The following CSTF3 variants were observed in gnomAD, a reference collection of about 807,000 sequenced individuals.
CSTF3 encodes CF-1 77 kDa subunit.
In CSTF3, 29 loss-of-function variants were observed where a neutral mutation model predicts 105.8. The ratio of observed to expected loss-of-function variants is 0.27; its 90% CI spans 0.20 to 0.37. CSTF3 has a LOEUF of 0.37. Ranked by LOEUF, CSTF3 falls within the 10% of genes least tolerant of loss-of-function variation. CSTF3 has a pLI of 1.00. For synonymous variants in CSTF3, 252 were observed against 281.9 expected (o/e 0.89, Z 1.06); for missense variants, 357 against 879.3 (o/e 0.41, Z 7.51).
chr11:33,118,884 T>C (rs1039777442), intron 3 of CSTF3, among the ~76,000 whole-genome samples: 1 of 151,840 alleles, frequency 6.6e-6, no homozygotes, highest in Non-Finnish European at 1.5e-5. Context: ...TCTACCTTAA[T>C]TTGCAGCTTT....
At position 33,142,550 on chromosome 11, in the gene CSTF3, C is replaced by T. The variant is rs1044675586; in HGVS notation, c.28-564G>A. On this transcript the variant is annotated intron_variant, in intron 1 of 20. Transcript: ENST00000323959. ...ATCAAGTATTTTTTATTCAAATAAA[C>T]TTACTTTTGTATTAAATACTATAAA... 4.6e-5 allele frequency among the ~76,000 whole-genome samples: 7 copies of T among 152,104 alleles called. No individual in the cohort carries two copies. The Middle Eastern group carries it at 0.014, about 296-fold the overall frequency.
chr11:33,144,525 A>G (rs970832700), intron 1 of CSTF3, among the ~76,000 whole-genome samples: 4 of 152,220 alleles, frequency 2.6e-5, no homozygotes, highest in Non-Finnish European at 1.5e-5. Context: ...TTTTCAATAA[A>G]TGGTTTCAGA....
chr11:33,093,244 A>G (rs1030189233), intron 15 of CSTF3, among the ~76,000 whole-genome samples: 7 of 152,338 alleles, frequency 4.6e-5, no homozygotes, highest in African/African-American at 1.2e-4. Context: ...TCTCTCTTCA[A>G]TTTAACATAT....
At chr11:33,092,207 G>T in intron 16 of CSTF3, 64 bp downstream of exon 16, 1 of 1,153,472 alleles carries the variant, frequency 8.7e-7, no homozygotes, top group South Asian at 1.5e-5. Context: ...TCACCCCATA[G>T]ACCACAATTC....
In CSTF3 at chr11:33,084,956, G is replaced by GTGAT. The variant is rs1284851973; in HGVS notation, c.*127_*130dup. On this transcript the variant is annotated 3_prime_UTR_variant, in exon 21 of 21. Transcript: ENST00000323959. ...TGGTTTGTTTTTTCTCAAGAACCAT[G>GTGAT]TGATAGAGGCACCAATGACAATACA... 10 of 955,204 alleles carry GTGAT rather than the reference G, an allele frequency of 1.0e-5. No individual in the cohort carries two copies. Among genetic ancestry groups the GTGAT allele is most frequent in the Admixed American group, 6.2e-5 (3 of 48,122 alleles). The allele number at this position is 955,204 out of a possible 1,614,324, so 59.2% of individuals were successfully genotyped here. A position where few individuals can be genotyped will look rare whatever the true frequency, so the allele number is the denominator to read the frequency against.
chr11:33,107,951 C>T lies in CSTF3; in HGVS notation c.308G>A (p.Cys103Tyr). 6.2e-7 allele frequency: 1 copy of T among 1,611,508 alleles called. No individual in the cohort carries two copies. The change falls in exon 5 of 21, where the codon TGT (cysteine) becomes TAT (tyrosine). Residue 103 changes from cysteine to tyrosine, a missense_variant. Coordinates refer to ENST00000323959, the MANE Select transcript of CSTF3 (RefSeq NM_001326.3). The part of the protein sequence containing the change: ...MKVLHIDLWK[C>Y]YLSYVRETKG... ...GGTTTCTCGGACATATGAAAGATAA[C>T]ACTTCCATAAATCAATGTGCAAAAC...
chr11:33,088,514 A>G (rs1461018548), intron 17 of CSTF3, among the ~76,000 whole-genome samples: 4 of 152,112 alleles, frequency 2.6e-5, no homozygotes, highest in Non-Finnish European at 5.9e-5. Flanking sequence ...TCCTGACCTC[A>G]GGTGATCCAC....
intron 2 of CSTF3, 27 bp downstream of exon 2, chr11:33,141,858 A>T: frequency 6.3e-7 from 1 of 1,575,520 alleles, no homozygotes; most frequent in Non-Finnish European, 8.6e-7. Context: ...CCCATAGAGA[A>T]GGAAATGTAA....
chr11:33,103,642 C>T (rs1032880401), intron 8 of CSTF3, among the ~76,000 whole-genome samples: 1 of 151,978 alleles, frequency 6.6e-6, no homozygotes, highest in African/African-American at 2.4e-5. Flanking sequence ...TGGTGGTGTG[C>T]GCCTGTAATC....
At position 33,089,493 on chromosome 11, in the gene CSTF3, CAAT is replaced by C. The variant is rs376581546; in HGVS notation, c.1641+1036_1641+1038del. Among the ~76,000 whole-genome samples the C allele has an allele frequency of 8.9e-3, 1,361 of 152,276 alleles. 17 individuals are homozygous for C. The highest frequency in any genetic ancestry group is 0.03 in the African/African-American group (1,261 of 41,564). ...AAAGTCAAAGTTTCTAAGAACCTAT[CAAT>C]GATGTTAAATGAGGATTTACTGTAG... On this transcript the variant is annotated intron_variant, in intron 17 of 20. Transcript: ENST00000323959.
intron 1 of CSTF3, among the ~76,000 whole-genome samples, chr11:33,153,266 G>A (rs1159550333): frequency 5.9e-5 from 9 of 152,208 alleles, no homozygotes; most frequent in East Asian, 3.9e-4. Flanking sequence ...TCACAGTTAC[G>A]TAGTTGGAAA....
chr11:33,145,978 T>C lies in CSTF3; in HGVS notation c.28-3992A>G, dbSNP rs1046893853. Reference sequence around the variant, plus strand: ...GTGGCCAGGGGCGATGGCTCAGGCCTGTAATCCCAGCACTTTGGGAGGCTG... The same window carrying C: ...GTGGCCAGGGGCGATGGCTCAGGCCCGTAATCCCAGCACTTTGGGAGGCTG... On this transcript the variant is annotated intron_variant, in intron 1 of 20. Transcript: ENST00000323959. Among the ~76,000 whole-genome samples, 5 of 151,826 alleles carry C rather than the reference T, an allele frequency of 3.3e-5. 1 individual carries two copies. The highest frequency in any genetic ancestry group is 9.7e-5 in the African/African-American group (4 of 41,338).
intron 18 of CSTF3, among the ~76,000 whole-genome samples, chr11:33,086,625 A>G (rs1449709201): frequency 6.6e-6 from 1 of 152,116 alleles, no homozygotes; most frequent in Non-Finnish European, 1.5e-5. Flanking sequence ...TTTAATAAAG[A>G]CAAAGTTTCA....
intron 17 of CSTF3, among the ~76,000 whole-genome samples, chr11:33,090,025 A>G (rs971222362): frequency 2.0e-5 from 3 of 152,180 alleles, no homozygotes; most frequent in Non-Finnish European, 4.4e-5. Context: ...AATTCCCCCA[A>G]AGGCCACTGA....
At chr11:33,144,723 T>G (rs923627125) in intron 1 of CSTF3, 2 of 152,676 alleles carry the variant, frequency 1.3e-5, no homozygotes, top group East Asian at 3.8e-4. Flanking sequence ...GAAAAGCTCT[T>G]CAGAAGCCTT....
At chr11:33,102,084 A>C in intron 10 of CSTF3, 93 bp downstream of exon 10, 1 of 887,282 alleles carries the variant, frequency 1.1e-6, no homozygotes, top group Non-Finnish European at 1.7e-6. Context: ...AAAGAAAAAA[A>C]GATTAGGGGT....
At chr11:33,160,586 G>C (rs556570348) in intron 1 of CSTF3, among the ~76,000 whole-genome samples, 1 of 152,238 alleles carries the variant, frequency 6.6e-6, no homozygotes, top group Admixed American at 6.5e-5. Context: ...AATACAAAGA[G>C]CAAAAGAAAC....
chr11:33,113,798 A>G (rs956853360), intron 3 of CSTF3, among the ~76,000 whole-genome samples: 1 of 151,914 alleles, frequency 6.6e-6, no homozygotes. Flanking sequence ...GCTCATGCCT[A>G]TAATCCCAGC....
chr11:33,086,951 C>T (rs768536528), intron 18 of CSTF3, 37 bp downstream of exon 18: 1 of 1,613,318 alleles, frequency 6.2e-7, no homozygotes, highest in Non-Finnish European at 8.5e-7. Flanking sequence ...AACAAACAAA[C>T]CAACGTCTCA....
Sources: allele counts gnomAD v4.1 joint callset (sites outside exome capture counted in the v4.1 genomes callset), GRCh38; gene constraint gnomAD v4.1.1; transcripts MANE v1.5; gene names NCBI Gene and HGNC (gene_info 2026-07-23, HGNC 2026-07-21).